Variants in CSTA observed in about 807,000 individuals in gnomAD.
CSTA encodes cystatin-A.
A neutral mutation model predicts 9.2 loss-of-function variants in CSTA; 9 were observed. The observed-to-expected ratio is 0.97, with a 90% confidence interval of 0.59 to 1.70. The LOEUF is 1.70. CSTA is among the 40% of genes most tolerant of loss of function. CSTA has a pLI of 0.00. For synonymous variants in CSTA, 36 were observed against 40.6 expected (o/e 0.89, Z 0.43); for missense variants, 118 against 113.1 (o/e 1.04, Z -0.20).
At chr3:122,328,165 C>CTA (rs2075181328) in intron 1 of CSTA, among the ~76,000 whole-genome samples, 1 of 152,202 alleles carries the variant, frequency 6.6e-6, no homozygotes, top group Non-Finnish European at 1.5e-5. Context: ...GATATTGTGT[C>CTA]TATCTTGCAG....
intron 2 of CSTA, among the ~76,000 whole-genome samples, chr3:122,339,557 T>C (rs1434304244): frequency 6.6e-6 from 1 of 152,170 alleles, no homozygotes; most frequent in Non-Finnish European, 1.5e-5. Context: ...TAAGAGCTTT[T>C]ACAAGGTTAC....
chr3:122,335,820 C>T (rs56085624), intron 1 of CSTA, among the ~76,000 whole-genome samples: 18,360 of 151,676 alleles, frequency 0.12, 1,397 homozygotes, highest in Middle Eastern at 0.27. Context: ...TTAGTAGAGA[C>T]GGGGTTTCAT....
At chr3:122,330,400 A>G (rs1022814682) in intron 1 of CSTA, among the ~76,000 whole-genome samples, 3 of 152,218 alleles carry the variant, frequency 2.0e-5, no homozygotes, top group African/African-American at 7.2e-5. Flanking sequence ...CATCACATAG[A>G]AAAGGGAAGA....
At chr3:122,325,846 C>G (rs955266883) in intron 1 of CSTA, among the ~76,000 whole-genome samples, 4 of 152,182 alleles carry the variant, frequency 2.6e-5, no homozygotes, top group Admixed American at 2.0e-4. Flanking sequence ...CACTTTTGCC[C>G]AAATAGATAG....
intron 1 of CSTA, among the ~76,000 whole-genome samples, chr3:122,331,144 C>T (rs2075202677): frequency 1.3e-5 from 2 of 149,268 alleles, no homozygotes; most frequent in African/African-American, 4.9e-5. Context: ...CACACACACA[C>T]TCCCCTTAGT....
At position 122,341,638 on chromosome 3, in the gene CSTA, C is replaced by T; in HGVS notation, c.*71C>T. The stretch of plus-strand genomic sequence containing the variant: ...TCATGATCCTTGCTGATAAATATAA[C>T]CATCAATAAAGAAGCATTCTTTTCC... On this transcript the variant is annotated 3_prime_UTR_variant, in exon 3 of 3. Coordinates refer to ENST00000264474, the MANE Select transcript of CSTA (RefSeq NM_005213.4). The T allele has an allele frequency of 1.3e-6, 2 of 1,551,056 alleles. No homozygotes were observed. Among genetic ancestry groups the T allele is most frequent in the African/African-American group, 2.7e-5 (2 of 73,474 alleles).
intron 1 of CSTA, among the ~76,000 whole-genome samples, chr3:122,332,847 C>A (rs1431158454): frequency 6.6e-6 from 1 of 152,300 alleles, no homozygotes; most frequent in East Asian, 1.9e-4. Flanking sequence ...TCCCAGCTGG[C>A]CTGCATCCTC....
chr3:122,340,071 C>T (rs919820140), intron 2 of CSTA, among the ~76,000 whole-genome samples: 1 of 152,158 alleles, frequency 6.6e-6, no homozygotes, highest in Non-Finnish European at 1.5e-5. Context: ...AAATGTTCAT[C>T]ATAGTGTCTG....
At chr3:122,332,174 T>C (rs1231206995) in intron 1 of CSTA, among the ~76,000 whole-genome samples, 1 of 152,170 alleles carries the variant, frequency 6.6e-6, no homozygotes, top group East Asian at 1.9e-4. Context: ...TCTTAGGAGA[T>C]TGCAGATCTC....
chr3:122,327,796 T>C (rs1576890250), intron 1 of CSTA, among the ~76,000 whole-genome samples: 1 of 151,926 alleles, frequency 6.6e-6, no homozygotes, highest in South Asian at 2.1e-4. Flanking sequence ...TGTAGGAACA[T>C]AGGGAAAAAT....
At chr3:122,330,045 C>T (rs552312237) in intron 1 of CSTA, among the ~76,000 whole-genome samples, 92 of 152,252 alleles carry the variant, frequency 6.0e-4, no homozygotes, top group Non-Finnish European at 9.3e-4. Flanking sequence ...CATTTATGCC[C>T]CTACAAACAG....
intron 1 of CSTA, among the ~76,000 whole-genome samples, chr3:122,331,142 C>T (rs183257036): frequency 1.8e-4 from 27 of 151,230 alleles, no homozygotes; most frequent in Non-Finnish European, 3.2e-4. Context: ...CACACACACA[C>T]ACTCCCCTTA....
chr3:122,335,823 GGT>G (rs778129526), intron 1 of CSTA, among the ~76,000 whole-genome samples: 41 of 151,778 alleles, frequency 2.7e-4, no homozygotes, highest in Non-Finnish European at 5.0e-4. Context: ...GTAGAGACGG[GGT>G]TTCATCATGT....
At chr3:122,338,876 T>C (rs1164907780) in intron 2 of CSTA, among the ~76,000 whole-genome samples, 2 of 152,236 alleles carry the variant, frequency 1.3e-5, no homozygotes, top group Non-Finnish European at 2.9e-5. Flanking sequence ...GATAACTATC[T>C]TGAAAATTTC....
intron 1 of CSTA, among the ~76,000 whole-genome samples, chr3:122,331,104 AACACACACACAC>A (rs10575257): frequency 1.2e-4 from 17 of 141,076 alleles, no homozygotes; most frequent in African/African-American, 3.2e-4. Context: ...GCACACAACA[AACACACACACAC>A]ACACACACAC....
intron 2 of CSTA, among the ~76,000 whole-genome samples, chr3:122,341,158 G>A (rs2075263364): frequency 1.3e-5 from 2 of 152,046 alleles, no homozygotes; most frequent in Non-Finnish European, 2.9e-5. Context: ...GGCCAGGCTT[G>A]TCTTGAACTC....
At chr3:122,335,122 G>T (rs2075229126) in intron 1 of CSTA, among the ~76,000 whole-genome samples, 1 of 152,122 alleles carries the variant, frequency 6.6e-6, no homozygotes, top group Non-Finnish European at 1.5e-5. Context: ...AAAGTTGATG[G>T]GCTCAGTAAA....
chr3:122,331,464 A>C (rs2075204505), intron 1 of CSTA, among the ~76,000 whole-genome samples: 1 of 152,022 alleles, frequency 6.6e-6, no homozygotes, highest in Admixed American at 6.6e-5. Flanking sequence ...TCCAGCCTGG[A>C]CCCCATGACA....
At chr3:122,340,386 C>A (rs748011873) in intron 2 of CSTA, among the ~76,000 whole-genome samples, 23 of 152,076 alleles carry the variant, frequency 1.5e-4, no homozygotes, top group Non-Finnish European at 2.8e-4. Flanking sequence ...CTCTCTGCGA[C>A]CTCCACCTCC....
Sources: allele counts gnomAD v4.1 joint callset (sites outside exome capture counted in the v4.1 genomes callset), GRCh38; gene constraint gnomAD v4.1.1; transcripts MANE v1.5; gene names NCBI Gene and HGNC (gene_info 2026-07-23, HGNC 2026-07-21).